The following NUDCD3 variants were observed in gnomAD, a reference collection of about 807,000 sequenced individuals.
The protein encoded by NUDCD3 is NudC domain containing 3.
NUDCD3 carries 13 observed loss-of-function variants against 39.7 expected under a neutral mutation model. The observed-to-expected ratio is 0.33, with a 90% CI of 0.21 to 0.52. The LOEUF (loss-of-function observed/expected upper bound fraction) is 0.52, where lower values mean the gene tolerates loss of function less well. Among genes scored for constraint, NUDCD3 ranks in the 20% least tolerant of loss-of-function variants. The pLI is 0.96. For synonymous variants in NUDCD3, 175 were observed against 172.4 expected (o/e 1.02, Z -0.12); for missense variants, 453 against 458.1 (o/e 0.99, Z 0.10).
chr7:44,391,519 G>A (rs1798515019), intron 5 of NUDCD3, among the ~76,000 whole-genome samples: 1 of 152,152 alleles, frequency 6.6e-6, no homozygotes, highest in African/African-American at 2.4e-5. Flanking sequence ...TTCAGGGGGA[G>A]GAGGCGGTCC....
intron 3 of NUDCD3, among the ~76,000 whole-genome samples, chr7:44,408,282 C>T (rs1334269027): frequency 5.3e-5 from 8 of 151,950 alleles, no homozygotes; most frequent in Non-Finnish European, 1.2e-4. Flanking sequence ...AGGATGAAAA[C>T]TGAAAAAGAG....
intron 2 of NUDCD3, among the ~76,000 whole-genome samples, chr7:44,456,265 A>G (rs1799900160): frequency 6.6e-6 from 1 of 152,028 alleles, no homozygotes; most frequent in African/African-American, 2.4e-5. Flanking sequence ...GTGATCAAAT[A>G]TCTGAATAAC....
chr7:44,490,257 C>T, intron 1 of NUDCD3, 152 bp downstream of exon 1: 1 of 718,356 alleles, frequency 1.4e-6, no homozygotes, highest in Non-Finnish European at 2.2e-6. Context: ...ATCCAATCCG[C>T]GCTTCAAATT....
In NUDCD3 at chr7:44,384,112, T is replaced by C. The variant is rs979382719; in HGVS notation, c.*1899A>G. On this transcript the variant is annotated 3_prime_UTR_variant, in exon 6 of 6. Coordinates refer to ENST00000355451, the MANE Select transcript of NUDCD3 (RefSeq NM_015332.4). ...TGAATGACTCTCAAAGTCTCCCAAA[T>C]AACAAGGTGTAGGGCATCTCACACC... The C allele has an allele frequency of 6.6e-6, 1 of 152,072 alleles. No individual in the cohort carries two copies. The highest frequency in any genetic ancestry group is 2.4e-5 in the African/African-American group (1 of 41,394). The allele number at this position is 152,072 out of a possible 1,614,324, so 9.4% of individuals were successfully genotyped here.
intron 2 of NUDCD3, among the ~76,000 whole-genome samples, chr7:44,443,631 G>A (rs769842506): frequency 1.4e-4 from 21 of 152,082 alleles, no homozygotes; most frequent in Non-Finnish European, 2.4e-4. Flanking sequence ...GGCTGGTCTC[G>A]AACTCCTGGC....
intron 2 of NUDCD3, among the ~76,000 whole-genome samples, chr7:44,447,452 T>C (rs1799709324): frequency 6.6e-6 from 1 of 152,140 alleles, no homozygotes; most frequent in Admixed American, 6.5e-5. Flanking sequence ...TTATGAGGGC[T>C]CCTCCCCTAT....
At chr7:44,482,516 G>A (rs952964289) in intron 2 of NUDCD3, among the ~76,000 whole-genome samples, 23 of 152,164 alleles carry the variant, frequency 1.5e-4, no homozygotes, top group African/African-American at 5.3e-4. Flanking sequence ...CCAGGAGTTC[G>A]AGATTAGCCT....
At chr7:44,486,520 G>A (rs1180808978) in intron 1 of NUDCD3, among the ~76,000 whole-genome samples, 2 of 150,628 alleles carry the variant, frequency 1.3e-5, no homozygotes, top group Non-Finnish European at 3.0e-5. Flanking sequence ...TAGGCAGAGG[G>A]GAAAAAAAAA....
chr7:44,401,612 C>T (rs978334162), intron 4 of NUDCD3, among the ~76,000 whole-genome samples: 3 of 152,162 alleles, frequency 2.0e-5, no homozygotes, highest in African/African-American at 2.4e-5. Flanking sequence ...TTTAAGGAAC[C>T]ATGGGAAAGA....
At chr7:44,413,520 T>C (rs1225815573) in intron 3 of NUDCD3, among the ~76,000 whole-genome samples, 1 of 152,112 alleles carries the variant, frequency 6.6e-6, no homozygotes, top group Non-Finnish European at 1.5e-5. Flanking sequence ...GGGCAAAAGA[T>C]ATAACTAGTT....
At chr7:44,386,180 A>G in intron 5 of NUDCD3, 59 bp from the exon 6 acceptor site, 1 of 1,577,684 alleles carries the variant, frequency 6.3e-7, no homozygotes, top group Non-Finnish European at 8.7e-7. Flanking sequence ...ACTTTCTCCC[A>G]GAGCAGACTC....
chr7:44,490,233 C>A (rs934793939), intron 1 of NUDCD3, 176 bp downstream of exon 1: 6 of 632,656 alleles, frequency 9.5e-6, no homozygotes, highest in Admixed American at 3.4e-5. Context: ...AACACCTCAG[C>A]GGAATAAGCT....
At chr7:44,465,286 G>C (rs895218562) in intron 2 of NUDCD3, among the ~76,000 whole-genome samples, 1 of 152,142 alleles carries the variant, frequency 6.6e-6, no homozygotes, top group African/African-American at 2.4e-5. Context: ...CAGAAATGAG[G>C]CTGAGAGAAT....
At chr7:44,489,552 A>G (rs1244324601) in intron 1 of NUDCD3, among the ~76,000 whole-genome samples, 1 of 152,244 alleles carries the variant, frequency 6.6e-6, no homozygotes, top group African/African-American at 2.4e-5. Flanking sequence ...GTTTCTACAA[A>G]TAGGCTTAAT....
intron 5 of NUDCD3, among the ~76,000 whole-genome samples, chr7:44,388,876 C>G (rs913839567): frequency 6.6e-6 from 1 of 152,254 alleles, no homozygotes; most frequent in Non-Finnish European, 1.5e-5. Flanking sequence ...AAGTCTACAG[C>G]AGAATAGATT....
chr7:44,462,706 C>G (rs1800037989), intron 2 of NUDCD3, among the ~76,000 whole-genome samples: 1 of 152,164 alleles, frequency 6.6e-6, no homozygotes, highest in African/African-American at 2.4e-5. Context: ...CTTCACACAT[C>G]CCATTAGACA....
At chr7:44,434,281 C>T (rs867664286) in intron 2 of NUDCD3, among the ~76,000 whole-genome samples, 4 of 152,114 alleles carry the variant, frequency 2.6e-5, no homozygotes, top group South Asian at 2.1e-4. Context: ...GCAACCCAGA[C>T]GTAGCCTGGG....
Position 44,385,767 on chromosome 7 carries a change from T to C in NUDCD3, c.*244A>G, listed in dbSNP as rs1199612354. The C allele has an allele frequency of 4.0e-6, 2 of 500,226 alleles. No individual in the cohort carries two copies. The highest frequency in any genetic ancestry group is 6.6e-5 in the East Asian group (2 of 30,356). The allele number at this position is 500,226 out of a possible 1,614,324, so 31.0% of individuals were successfully genotyped here. On this transcript the variant is annotated 3_prime_UTR_variant, in exon 6 of 6. Transcript: ENST00000355451. ...CCCAATTTGCTGGGATATCCTCTCC[T>C]GCATTTCAAACACCTTCACTCAGTG...
intron 2 of NUDCD3, chr7:44,468,218 C>G: frequency 6.3e-7 from 1 of 1,598,420 alleles, no homozygotes; most frequent in Non-Finnish European, 8.5e-7. Context: ...CTCCAAGAAC[C>G]GCAAAGCCAT....
Sources: allele counts gnomAD v4.1 joint callset (sites outside exome capture counted in the v4.1 genomes callset), GRCh38; gene constraint gnomAD v4.1.1; transcripts MANE v1.5; gene names NCBI Gene and HGNC (gene_info 2026-07-23, HGNC 2026-07-21).